OPCML: variants seen among roughly 807,000 people sequenced by gnomAD.
OPCML encodes the protein opioid binding protein/cell adhesion molecule like, also known as opioid-binding protein/cell adhesion molecule.
A neutral mutation model predicts 37.8 loss-of-function variants in OPCML; 13 were observed. The observed-to-expected ratio is 0.34, with a 90% confidence interval of 0.22 to 0.55. OPCML has a LOEUF of 0.55. Among genes scored for constraint, OPCML ranks in the 20% least tolerant of loss-of-function variants. OPCML has a pLI of 0.91. For missense variants in OPCML, 341 were observed against 435.6 expected (o/e 0.78, Z 1.93); for synonymous variants, 176 against 168.8 (o/e 1.04, Z -0.33).
chr11:133,485,675 C>T (rs1444353109), intron 1 of OPCML, among the ~76,000 whole-genome samples: 1 of 152,182 alleles, frequency 6.6e-6, no homozygotes, highest in African/African-American at 2.4e-5. Flanking sequence ...ATTCCATCTG[C>T]ATTATTCTGG....
At chr11:133,229,533 GA>G (rs1434048099) in intron 1 of OPCML, among the ~76,000 whole-genome samples, 1 of 151,990 alleles carries the variant, frequency 6.6e-6, no homozygotes, top group African/African-American at 2.4e-5. Flanking sequence ...GATTAAAAAA[GA>G]AAAGGGCTCC....
chr11:133,057,245 A>G (rs1243269824), intron 1 of OPCML, among the ~76,000 whole-genome samples: 1 of 152,188 alleles, frequency 6.6e-6, no homozygotes, highest in Non-Finnish European at 1.5e-5. Context: ...TTGGCTCCAG[A>G]GTCTAAGGGA....
intron 1 of OPCML, among the ~76,000 whole-genome samples, chr11:132,958,404 G>A (rs1328956559): frequency 6.6e-6 from 1 of 152,206 alleles, no homozygotes; most frequent in Non-Finnish European, 1.5e-5. Context: ...AGTACAAGAT[G>A]AAGCAGCAGG....
chr11:132,626,446 A>G (rs1212410074), intron 3 of OPCML, among the ~76,000 whole-genome samples: 1 of 152,196 alleles, frequency 6.6e-6, no homozygotes. Flanking sequence ...GAAACCACAG[A>G]AGGATTTTAA....
chr11:132,613,794 GAAGC>G (rs1439233641), intron 3 of OPCML, among the ~76,000 whole-genome samples: 1 of 152,094 alleles, frequency 6.6e-6, no homozygotes, highest in Non-Finnish European at 1.5e-5. Flanking sequence ...AGAAATCTGG[GAAGC>G]AAAATTATGG....
intron 2 of OPCML, among the ~76,000 whole-genome samples, chr11:132,675,305 A>G (rs975248857): frequency 6.6e-6 from 1 of 152,020 alleles, no homozygotes; most frequent in African/African-American, 2.4e-5. Context: ...ACTTTTATTT[A>G]CAAAAATCTT....
At chr11:133,048,865 T>C (rs1591950241) in intron 1 of OPCML, among the ~76,000 whole-genome samples, 2 of 152,306 alleles carry the variant, frequency 1.3e-5, no homozygotes, top group African/African-American at 4.8e-5. Context: ...AATGTGCATT[T>C]TGACCATAAA....
intron 3 of OPCML, among the ~76,000 whole-genome samples, chr11:132,547,794 C>G (rs796167475): frequency 5.3e-5 from 8 of 152,260 alleles, no homozygotes; most frequent in African/African-American, 1.9e-4. Flanking sequence ...TGCCATCTCT[C>G]TGAACGTGAC....
chr11:132,742,081 G>T (rs991635703), intron 2 of OPCML, among the ~76,000 whole-genome samples: 2 of 151,900 alleles, frequency 1.3e-5, no homozygotes, highest in African/African-American at 4.8e-5. Flanking sequence ...ATTCAAAAAT[G>T]ACTTCCTTTA....
intron 2 of OPCML, among the ~76,000 whole-genome samples, chr11:132,872,468 T>C (rs1353611094): frequency 6.6e-6 from 1 of 151,998 alleles, no homozygotes; most frequent in Non-Finnish European, 1.5e-5. Context: ...ACAGGGCACA[T>C]TTTCACCCAC....
chr11:133,404,759 T>C (rs749372901), intron 1 of OPCML, among the ~76,000 whole-genome samples: 10 of 152,176 alleles, frequency 6.6e-5, no homozygotes, highest in Non-Finnish European at 1.5e-4. Context: ...TAAACAAATA[T>C]TGCCAGATAC....
chr11:133,143,183 T>A (rs1242360041), intron 1 of OPCML, among the ~76,000 whole-genome samples: 3 of 152,124 alleles, frequency 2.0e-5, no homozygotes, highest in African/African-American at 7.2e-5. Flanking sequence ...GTCAGTGACA[T>A]ATGAGCAATA....
At chr11:132,612,675 G>GC (rs1359454206) in intron 3 of OPCML, among the ~76,000 whole-genome samples, 17 of 152,202 alleles carry the variant, frequency 1.1e-4, no homozygotes, top group Non-Finnish European at 4.4e-5. Flanking sequence ...AGAAGCCAAA[G>GC]CAGGTAAACC....
chr11:133,023,603 C>T (rs973359161), intron 1 of OPCML, among the ~76,000 whole-genome samples: 4 of 152,194 alleles, frequency 2.6e-5, no homozygotes, highest in Non-Finnish European at 4.4e-5. Flanking sequence ...GAGCTGACTA[C>T]TCAGGGACTT....
intron 2 of OPCML, among the ~76,000 whole-genome samples, chr11:132,774,663 C>T (rs1591592229): frequency 6.6e-6 from 1 of 152,162 alleles, no homozygotes; most frequent in Admixed American, 6.5e-5. Flanking sequence ...ATAACTGGCT[C>T]CCCTCTTTCC....
At chr11:133,459,464 C>G (rs983862119) in intron 1 of OPCML, among the ~76,000 whole-genome samples, 32 of 151,892 alleles carry the variant, frequency 2.1e-4, no homozygotes, top group African/African-American at 7.5e-4. Context: ...CCAAGCATAT[C>G]CTATATATAA....
rs1340821707 is a variant in OPCML at position 133,484,040 on chromosome 11, AG to A, written c.61+48223del. ...AAATAGATGGACAGATTAGATAGAT[AG>A]ATAGATAGATAGATAGATAGATAGA... On this transcript the variant is annotated intron_variant, in intron 1 of 7. Transcript: ENST00000524381. Among the ~76,000 whole-genome samples the A allele has an allele frequency of 7.1e-4, 85 of 119,356 alleles. 1 individual carries two copies. The highest frequency in any genetic ancestry group is 2.5e-3 in the African/African-American group (79 of 31,258). 78.3% of individuals were successfully genotyped at this position (119,356 alleles called of 152,430 possible).
intron 1 of OPCML, among the ~76,000 whole-genome samples, chr11:133,241,864 C>T (rs182232589): frequency 9.8e-5 from 15 of 152,308 alleles, no homozygotes; most frequent in Non-Finnish European, 1.5e-4. Flanking sequence ...ATTTTTCAGG[C>T]GGTTCCCTCC....
At chr11:132,844,661 G>T (rs1300582245) in intron 2 of OPCML, among the ~76,000 whole-genome samples, 3 of 152,110 alleles carry the variant, frequency 2.0e-5, no homozygotes, top group Admixed American at 6.5e-5. Context: ...AATATTTTAG[G>T]CTTTGCAGGC....
Sources: gnomAD v4.1 joint callset for allele counts (sites outside exome capture counted in the v4.1 genomes callset) on GRCh38, gnomAD v4.1.1 for gene constraint, MANE v1.5 for transcripts, NCBI Gene and HGNC (gene_info 2026-07-23, HGNC 2026-07-21) for gene names.